Variants in CYSLTR2 observed in about 807,000 individuals in gnomAD.
The protein encoded by CYSLTR2 is cysteinyl leukotriene receptor 2, also known as G-protein coupled receptor GPCR21.
For missense variants in CYSLTR2, 398 were observed against 411.9 expected (o/e 0.97, Z 0.29); for synonymous variants, 179 against 160.8 (o/e 1.11, Z -0.86).
intron 1 of CYSLTR2, among the ~76,000 whole-genome samples, chr13:48,662,113 T>A (rs965611193): frequency 3.3e-5 from 5 of 152,230 alleles, no homozygotes; most frequent in African/African-American, 9.6e-5. Flanking sequence ...ACTTTCTGTT[T>A]CTGGTTTAGG....
intron 4 of CYSLTR2, among the ~76,000 whole-genome samples, chr13:48,702,891 A>G (rs1281962147): frequency 1.3e-5 from 2 of 152,148 alleles, no homozygotes; most frequent in Non-Finnish European, 2.9e-5. Context: ...GAGAATTGAC[A>G]TCTTTATTCC....
At chr13:48,685,210 A>G (rs1953865368) in intron 1 of CYSLTR2, among the ~76,000 whole-genome samples, 1 of 152,172 alleles carries the variant, frequency 6.6e-6, no homozygotes, top group South Asian at 2.1e-4. Flanking sequence ...GTTGTCTTAC[A>G]TGGCAGGAGC....
At chr13:48,664,312 A>G (rs1269751639) in intron 1 of CYSLTR2, among the ~76,000 whole-genome samples, 1 of 151,786 alleles carries the variant, frequency 6.6e-6, no homozygotes, top group Non-Finnish European at 1.5e-5. Context: ...GTCCCTATTC[A>G]GTTTTGGTAT....
At chr13:48,661,972 T>G (rs896925050) in intron 1 of CYSLTR2, among the ~76,000 whole-genome samples, 4 of 152,202 alleles carry the variant, frequency 2.6e-5, no homozygotes, top group African/African-American at 9.6e-5. Context: ...AGTGGTAATT[T>G]TGTATCCTTT....
At chr13:48,661,883 T>C (rs1220112358) in intron 1 of CYSLTR2, among the ~76,000 whole-genome samples, 1 of 152,194 alleles carries the variant, frequency 6.6e-6, no homozygotes. Context: ...TTTGAACTAG[T>C]TGAAACTATT....
chr13:48,678,967 C>T (rs947199873), intron 1 of CYSLTR2, among the ~76,000 whole-genome samples: 3 of 152,170 alleles, frequency 2.0e-5, no homozygotes, highest in African/African-American at 7.2e-5. Context: ...GCCAGTGTCA[C>T]CTCTCTAAAA....
chr13:48,668,661 G>C (rs1276599097), intron 1 of CYSLTR2, among the ~76,000 whole-genome samples: 2 of 151,938 alleles, frequency 1.3e-5, no homozygotes, highest in Non-Finnish European at 2.9e-5. Flanking sequence ...AGAATGTACA[G>C]GTTTGATACA....
chr13:48,690,715 C>CT (rs1954017201), intron 1 of CYSLTR2, among the ~76,000 whole-genome samples: 1 of 152,012 alleles, frequency 6.6e-6, no homozygotes, highest in African/African-American at 2.4e-5. Flanking sequence ...CTGAAATTTT[C>CT]TTTTTTTGTT....
Position 48,708,936 on chromosome 13 carries a change from A to G in CYSLTR2, c.*1078A>G, listed in dbSNP as rs1954573587. On this transcript the variant is annotated 3_prime_UTR_variant, in exon 5 of 5. Transcript: ENST00000682523. ...GATACTACCAACTACTATCACCATG[A>G]CCATTGTACTGACAACAATTGAATG... 6.0e-6 allele frequency: 1 copy of G among 167,056 alleles called. No homozygotes were observed. Among genetic ancestry groups the G allele is most frequent in the Non-Finnish European group, 1.5e-5 (1 of 68,110 alleles). The allele number at this position is 167,056 out of a possible 1,614,324, so 10.3% of individuals were successfully genotyped here.
At chr13:48,677,868 A>ATTTT (rs746179854) in intron 1 of CYSLTR2, among the ~76,000 whole-genome samples, 1 of 131,700 alleles carries the variant, frequency 7.6e-6, no homozygotes, top group African/African-American at 2.9e-5. Context: ...GCCTGGTACT[A>ATTTT]TTTTTTTTTT....
At chr13:48,691,859 A>G (rs1201176308) in intron 2 of CYSLTR2, among the ~76,000 whole-genome samples, 2 of 152,078 alleles carry the variant, frequency 1.3e-5, no homozygotes, top group African/African-American at 4.8e-5. Flanking sequence ...ACAGAAAAAT[A>G]AAAATATTTT....
At chr13:48,668,417 G>C (rs1457656014) in intron 1 of CYSLTR2, among the ~76,000 whole-genome samples, 1 of 152,028 alleles carries the variant, frequency 6.6e-6, no homozygotes, top group Non-Finnish European at 1.5e-5. Context: ...AAAGGCACAG[G>C]AATAGGCATA....
chr13:48,668,905 C>A (rs1953342571), intron 1 of CYSLTR2, among the ~76,000 whole-genome samples: 1 of 152,114 alleles, frequency 6.6e-6, no homozygotes, highest in Admixed American at 6.5e-5. Flanking sequence ...TGATAGTTTC[C>A]AGCTTCATCT....
intron 1 of CYSLTR2, among the ~76,000 whole-genome samples, chr13:48,674,052 A>G (rs1953527543): frequency 6.6e-6 from 1 of 152,106 alleles, no homozygotes; most frequent in Non-Finnish European, 1.5e-5. Flanking sequence ...ACTGTCCTTA[A>G]CATTTTTTCC....
chr13:48,693,594 C>T (rs1954090488), intron 3 of CYSLTR2, 84 bp downstream of exon 3: 3 of 150,464 alleles, frequency 2.0e-5, no homozygotes, highest in Non-Finnish European at 3.0e-5. Flanking sequence ...AAAGGGAGCC[C>T]GCTGCAGGTG....
chr13:48,704,600 T>C (rs993547441), intron 4 of CYSLTR2, among the ~76,000 whole-genome samples: 3 of 152,156 alleles, frequency 2.0e-5, no homozygotes, highest in Non-Finnish European at 4.4e-5. Flanking sequence ...TGTTATACAG[T>C]TTTGTCCTAA....
intron 1 of CYSLTR2, among the ~76,000 whole-genome samples, chr13:48,684,170 C>A (rs1472406570): frequency 6.6e-6 from 1 of 151,996 alleles, no homozygotes; most frequent in Non-Finnish European, 1.5e-5. Context: ...CTCAAGTGAT[C>A]CTCCCACCTT....
rs1212414343 is a variant in CYSLTR2, at chr13:48,709,934, C to T, written c.*2076C>T. On this transcript the variant is annotated 3_prime_UTR_variant, in exon 5 of 5. Coordinates refer to ENST00000682523, the MANE Select transcript of CYSLTR2 (RefSeq NM_001308476.3). ...CAGAAAAAGAAGAAATTAATTGATT[C>T]ATACACATTGAGAGGGATTTAGATT... The T allele has an allele frequency of 1.3e-5, 2 of 152,164 alleles. No homozygotes were observed. The highest frequency in any genetic ancestry group is 4.8e-5 in the African/African-American group (2 of 41,450). 9.4% of individuals were successfully genotyped at this position (152,164 alleles called of 1,614,324 possible).
At chr13:48,688,014 C>T (rs1254293967) in intron 1 of CYSLTR2, among the ~76,000 whole-genome samples, 1 of 152,206 alleles carries the variant, frequency 6.6e-6, no homozygotes, top group Non-Finnish European at 1.5e-5. Flanking sequence ...GCTAAGCAGG[C>T]TGGAGTGTCT....
Sources: gnomAD v4.1 joint callset for allele counts (sites outside exome capture counted in the v4.1 genomes callset) on GRCh38, gnomAD v4.1.1 for gene constraint, MANE v1.5 for transcripts, NCBI Gene and HGNC (gene_info 2026-07-23, HGNC 2026-07-21) for gene names.